Variants in PCSK2 observed in about 807,000 individuals in gnomAD.
The protein encoded by PCSK2 is proprotein convertase subtilisin/kexin type 2, also known as neuroendocrine convertase 2.
A neutral mutation model predicts 69.7 loss-of-function variants in PCSK2; 14 were observed. That is an observed-to-expected ratio of 0.20 (90% CI 0.13 to 0.31). PCSK2 has a LOEUF of 0.31. Ranked by LOEUF, PCSK2 falls within the 10% of genes least tolerant of loss-of-function variation. The pLI is 1.00. For missense variants in PCSK2, 544 were observed against 842.5 expected (o/e 0.65, Z 4.39); for synonymous variants, 307 against 320.7 (o/e 0.96, Z 0.46).
chr20:17,466,221 G>A (rs1480401112), intron 11 of PCSK2, among the ~76,000 whole-genome samples: 6 of 152,106 alleles, frequency 3.9e-5, no homozygotes, highest in South Asian at 2.1e-4. Flanking sequence ...CCATGCCAGC[G>A]TAGCCATATT....
intron 2 of PCSK2, among the ~76,000 whole-genome samples, chr20:17,273,571 C>A (rs1987948219): frequency 6.6e-6 from 1 of 152,132 alleles, no homozygotes; most frequent in Admixed American, 6.6e-5. Flanking sequence ...TCTTAGTTCT[C>A]TACTTGTTTT....
chr20:17,455,744 C>A (rs983483717), intron 9 of PCSK2, among the ~76,000 whole-genome samples: 5 of 152,248 alleles, frequency 3.3e-5, no homozygotes, highest in African/African-American at 1.2e-4. Context: ...GGAAATAAAT[C>A]TCTCTGTAGT....
chr20:17,436,904 G>A lies in PCSK2; in HGVS notation c.885+21G>A, dbSNP rs757122960. The A allele has an allele frequency of 1.3e-5, 20 of 1,573,346 alleles. No individual in the cohort carries two copies. In the Admixed American group the frequency reaches 1.5e-4, roughly 12 times the overall value. ...ACAAGGTAAGGGGGCCGGCCCCCTA[G>A]GCCCCGGCCACTCACAAGTTGGGAC... is the stretch of plus-strand genomic sequence containing the variant. On this transcript the variant is annotated intron_variant, in intron 8 of 11. Transcript: ENST00000262545.
chr20:17,227,546 C>A, intron 1 of PCSK2, 64 bp downstream of exon 1: 1 of 1,306,620 alleles, frequency 7.7e-7, no homozygotes. Flanking sequence ...CAGCCCTGCG[C>A]AATCTCATTG....
intron 8 of PCSK2, among the ~76,000 whole-genome samples, chr20:17,449,607 C>T (rs561015237): frequency 9.1e-5 from 12 of 131,304 alleles, no homozygotes; most frequent in Non-Finnish European, 1.2e-4. Flanking sequence ...CTCAGCTCAC[C>T]GCAACCTCCG....
chr20:17,403,548 T>G lies in PCSK2; in HGVS notation c.544-5715T>G, dbSNP rs182798246. On this transcript the variant is annotated intron_variant, in intron 5 of 11. Transcript: ENST00000262545. The stretch of plus-strand genomic sequence containing the variant: ...TGTTCTGGGGCAATATGGTTGCAGT[T>G]TGAGAGTCTATCTGAAGGAGCTCAT... Among the ~76,000 whole-genome samples the G allele has an allele frequency of 1.6e-3, 250 of 152,324 alleles. 2 individuals carry two copies. The highest frequency in any genetic ancestry group is 5.7e-3 in the African/African-American group (235 of 41,582).
chr20:17,375,018 C>T (rs1049990281), intron 5 of PCSK2, among the ~76,000 whole-genome samples: 3 of 152,168 alleles, frequency 2.0e-5, no homozygotes, highest in Non-Finnish European at 2.9e-5. Context: ...TATCAAACAT[C>T]TTTGAACCTT....
At chr20:17,336,274 C>A (rs1402987035) in intron 2 of PCSK2, among the ~76,000 whole-genome samples, 2 of 152,138 alleles carry the variant, frequency 1.3e-5, no homozygotes, top group Non-Finnish European at 2.9e-5. Flanking sequence ...AAGAGACAAA[C>A]ACAGGTATAC....
upstream of PCSK2, among the ~76,000 whole-genome samples, chr20:17,226,804 G>C (rs1412735741): frequency 1.4e-5 from 2 of 144,548 alleles, no homozygotes; most frequent in East Asian, 4.2e-4. Context: ...GGCTCGCTGC[G>C]CTGCGCTGCG....
At chr20:17,294,110 T>TC (rs1988792971) in intron 2 of PCSK2, among the ~76,000 whole-genome samples, 4 of 141,272 alleles carry the variant, frequency 2.8e-5, no homozygotes, top group African/African-American at 7.8e-5. Context: ...TTTTTTTTTT[T>TC]TTTTTTTTTT....
intron 2 of PCSK2, among the ~76,000 whole-genome samples, chr20:17,277,986 C>T (rs1988156223): frequency 6.6e-6 from 1 of 151,958 alleles, no homozygotes; most frequent in African/African-American, 2.4e-5. Context: ...TCATCACTGG[C>T]CATCAGAGAA....
At chr20:17,424,473 T>C (rs1420531904) in intron 6 of PCSK2, among the ~76,000 whole-genome samples, 1 of 152,082 alleles carries the variant, frequency 6.6e-6, no homozygotes, top group Non-Finnish European at 1.5e-5. Context: ...AAGATTTATG[T>C]TGTTTCTTGG....
chr20:17,444,664 A>C (rs2032664832), intron 8 of PCSK2, among the ~76,000 whole-genome samples: 1 of 152,212 alleles, frequency 6.6e-6, no homozygotes, highest in African/African-American at 2.4e-5. Context: ...GGGAAGGTGA[A>C]GAGAATACCA....
At chr20:17,461,678 T>G (rs2033016381) in intron 10 of PCSK2, among the ~76,000 whole-genome samples, 2 of 152,198 alleles carry the variant, frequency 1.3e-5, no homozygotes, top group Admixed American at 1.3e-4. Flanking sequence ...CCTTGATCAT[T>G]AGGAGGAAAA....
chr20:17,431,384 C>G (rs571576926), intron 7 of PCSK2, among the ~76,000 whole-genome samples: 1 of 152,182 alleles, frequency 6.6e-6, no homozygotes, highest in East Asian at 1.9e-4. Context: ...AGAGGACACC[C>G]CCAGGCAAAA....
At chr20:17,245,016 G>C (rs1241174359) in intron 1 of PCSK2, among the ~76,000 whole-genome samples, 1 of 152,044 alleles carries the variant, frequency 6.6e-6, no homozygotes, top group Non-Finnish European at 1.5e-5. Context: ...ATTCTTCCCA[G>C]GCAGAGCAGG....
chr20:17,436,132 T>C (rs987553850), intron 7 of PCSK2, among the ~76,000 whole-genome samples: 1 of 152,098 alleles, frequency 6.6e-6, no homozygotes, highest in African/African-American at 2.4e-5. Flanking sequence ...ACTAATACAG[T>C]TTAGAATAGC....
intron 2 of PCSK2, among the ~76,000 whole-genome samples, chr20:17,343,562 T>G (rs1990567658): frequency 6.6e-6 from 1 of 152,246 alleles, no homozygotes; most frequent in Non-Finnish European, 1.5e-5. Flanking sequence ...GCCCACATTC[T>G]AAGCCCTAGA....
intron 10 of PCSK2, among the ~76,000 whole-genome samples, chr20:17,458,985 G>A (rs1359893541): frequency 1.3e-5 from 2 of 152,116 alleles, no homozygotes; most frequent in African/African-American, 2.4e-5. Context: ...AGCTAGGCTC[G>A]AGGGGTAGAT....
Sources: gnomAD v4.1 joint callset for allele counts (sites outside exome capture counted in the v4.1 genomes callset) on GRCh38, gnomAD v4.1.1 for gene constraint, MANE v1.5 for transcripts, NCBI Gene and HGNC (gene_info 2026-07-23, HGNC 2026-07-21) for gene names.